Variants in ZFHX3 observed in about 807,000 individuals in gnomAD.
The protein encoded by ZFHX3 is zinc finger homeobox 3, also known as zinc finger homeobox protein 3.
ZFHX3 carries 42 observed loss-of-function variants against 279.1 expected under a neutral mutation model. The ratio of observed to expected loss-of-function variants is 0.15; its 90% CI spans 0.12 to 0.19. The LOEUF is 0.19. ZFHX3 is among the 10% of genes least tolerant of loss of function. The pLI is 1.00. For missense variants in ZFHX3, 4,981 were observed against 4,754.0 expected (o/e 1.05, Z -1.40); for synonymous variants, 2,293 against 1,957.8 (o/e 1.17, Z -4.52).
Position 72,787,302 on chromosome 16 carries a change from G to A in ZFHX3, c.10974C>T (p.Asp3658=), listed in dbSNP as rs769344872. 1.2e-5 allele frequency: 19 copies of A among 1,613,872 alleles called. No homozygotes were observed. The highest frequency in any genetic ancestry group is 2.2e-5 in the East Asian group (1 of 44,858). The change falls in exon 10 of 10, where the codon GAC becomes GAT. Residue 3658 remains aspartate, a synonymous_variant. Transcript: ENST00000268489. ...TSGVQPSMPT[D]DYSEESDTDL... Reference sequence around the variant, plus strand: ...CCGTGTCAGACTCCTCCGAATAGTCGTCTGTTGGCATCGAGGGCTGAACCC... The same window carrying A: ...CCGTGTCAGACTCCTCCGAATAGTCATCTGTTGGCATCGAGGGCTGAACCC...
Position 72,856,183 on chromosome 16 carries a change from G to A in ZFHX3, c.3449-26324C>T, listed in dbSNP as rs1008565091. ...GGGGGAAAGAAACTGATGACACAGC[G>A]TGCATGTAACTGTAAAGCTAGGCGC... On this transcript the variant is annotated intron_variant, in intron 4 of 9. Transcript: ENST00000268489. Among the ~76,000 whole-genome samples the A allele has an allele frequency of 6.2e-4, 94 of 152,184 alleles. 1 individual carries two copies. Among genetic ancestry groups the A allele is most frequent in the Admixed American group, 6.0e-3 (91 of 15,282 alleles).
intron 1 of ZFHX3, among the ~76,000 whole-genome samples, chr16:73,681,333 C>T (rs1017862180): frequency 2.0e-5 from 3 of 152,080 alleles, no homozygotes; most frequent in Non-Finnish European, 4.4e-5. Flanking sequence ...TCGTCCAAAG[C>T]GAAGGCAGAA....
At chr16:73,775,372 C>T (rs1381411210) in intron 1 of ZFHX3, among the ~76,000 whole-genome samples, 2 of 152,140 alleles carry the variant, frequency 1.3e-5, no homozygotes, top group African/African-American at 4.8e-5. Flanking sequence ...CTCTATTCAC[C>T]TTCTGAATCT....
chr16:73,612,436 T>C (rs1450256024), intron 2 of ZFHX3, among the ~76,000 whole-genome samples: 8 of 152,228 alleles, frequency 5.3e-5, no homozygotes, highest in Non-Finnish European at 1.2e-4. Context: ...AAATTATGCA[T>C]TAAAACAGAA....
chr16:73,082,783 T>C (rs1416145162), intron 8 of ZFHX3, among the ~76,000 whole-genome samples: 1 of 152,130 alleles, frequency 6.6e-6, no homozygotes, highest in East Asian at 1.9e-4. Context: ...TGAAATGCAG[T>C]GTGATGAAAT....
intron 3 of ZFHX3, among the ~76,000 whole-genome samples, chr16:72,925,298 T>C (rs1002837172): frequency 3.9e-5 from 6 of 152,118 alleles, no homozygotes; most frequent in African/African-American, 1.4e-4. Flanking sequence ...AGCTGTAGAG[T>C]GAGTCAACTG....
At chr16:73,739,048 G>A (rs577830536) in intron 1 of ZFHX3, among the ~76,000 whole-genome samples, 65 of 152,206 alleles carry the variant, frequency 4.3e-4, no homozygotes, top group Non-Finnish European at 7.2e-4. Flanking sequence ...TCTGTCCCTC[G>A]GACAAGGAGC....
rs1215790905 is a variant in ZFHX3, at chr16:73,637,230, C to CTT, written c.-1547+42948_-1547+42949dup. On this transcript the variant is annotated intron_variant, in intron 2 of 17. Coordinates refer to the ZFHX3 transcript ENST00000641206. ...GTTAAAACCATATTTTTTTTTTGTTCTTTTTTTTTTTTTTTTTTTGAGACA... is the reference window on the plus strand; with the variant it reads ...GTTAAAACCATATTTTTTTTTTGTTCTTTTTTTTTTTTTTTTTTTTTGAGACA... 4.4e-4 allele frequency among the ~76,000 whole-genome samples: 53 copies of CTT among 121,660 alleles called. 1 individual carries two copies. The highest frequency in any genetic ancestry group is 1.1e-3 in the African/African-American group (36 of 32,714). The allele number at this position is 121,660 out of a possible 152,430, so 79.8% of individuals were successfully genotyped here.
chr16:73,329,977 C>T (rs1249701752), intron 3 of ZFHX3, among the ~76,000 whole-genome samples: 1 of 152,182 alleles, frequency 6.6e-6, no homozygotes, highest in East Asian at 1.9e-4. Flanking sequence ...TATTATTCAT[C>T]TTTCACAGGG....
At chr16:73,573,216 C>T (rs577249218) in intron 2 of ZFHX3, among the ~76,000 whole-genome samples, 55 of 152,330 alleles carry the variant, frequency 3.6e-4, no homozygotes, top group African/African-American at 1.0e-3. Context: ...CCATGCCTCA[C>T]TCCCATGCTT....
chr16:73,204,659 C>A (rs930463600), intron 5 of ZFHX3, among the ~76,000 whole-genome samples: 2 of 152,150 alleles, frequency 1.3e-5, no homozygotes, highest in African/African-American at 4.8e-5. Flanking sequence ...CCTGAGGGAA[C>A]CCTGCTGTCT....
At chr16:72,854,230 C>T (rs1051197103) in intron 4 of ZFHX3, among the ~76,000 whole-genome samples, 1 of 152,296 alleles carries the variant, frequency 6.6e-6, no homozygotes, top group African/African-American at 2.4e-5. Flanking sequence ...CTAACTTTTG[C>T]CTTCTAGCTT....
At chr16:73,093,213 T>C (rs1393249780) in intron 8 of ZFHX3, 4 of 519,148 alleles carry the variant, frequency 7.7e-6, no homozygotes, top group Admixed American at 3.9e-5. Context: ...CATGCAGAGG[T>C]AAGGGAATGA....
chr16:73,295,211 T>C (rs894190537), intron 4 of ZFHX3, among the ~76,000 whole-genome samples: 1 of 152,080 alleles, frequency 6.6e-6, no homozygotes, highest in Admixed American at 6.5e-5. Flanking sequence ...CAGGACTCCG[T>C]CTCAAAAGAA....
intron 2 of ZFHX3, among the ~76,000 whole-genome samples, chr16:73,549,628 G>A (rs960775105): frequency 6.6e-6 from 1 of 152,070 alleles, no homozygotes; most frequent in African/African-American, 2.4e-5. Flanking sequence ...AAAACACTCT[G>A]CTTCTTAAAG....
At chr16:73,777,767 C>G (rs1231645228) in intron 1 of ZFHX3, among the ~76,000 whole-genome samples, 1 of 152,158 alleles carries the variant, frequency 6.6e-6, no homozygotes, top group Non-Finnish European at 1.5e-5. Context: ...GACATGTTAT[C>G]TCCATTTTGC....
chr16:73,405,183 A>G (rs140960253), intron 3 of ZFHX3, among the ~76,000 whole-genome samples: 6 of 152,358 alleles, frequency 3.9e-5, no homozygotes, highest in African/African-American at 1.4e-4. Flanking sequence ...GAAAGGAAAT[A>G]AAGAAGGACT....
At chr16:73,163,875 T>C (rs1420955828) in intron 5 of ZFHX3, among the ~76,000 whole-genome samples, 1 of 152,246 alleles carries the variant, frequency 6.6e-6, no homozygotes, top group African/African-American at 2.4e-5. Flanking sequence ...TAACTGAAGC[T>C]GTATGTTTAA....
At chr16:73,412,349 A>AG (rs1325858717) in intron 3 of ZFHX3, among the ~76,000 whole-genome samples, 1 of 143,726 alleles carries the variant, frequency 7.0e-6, no homozygotes, top group Non-Finnish European at 1.5e-5. Flanking sequence ...AAAAAAAAAA[A>AG]GTAAATGTCA....
Sources: allele counts gnomAD v4.1 joint callset (sites outside exome capture counted in the v4.1 genomes callset), GRCh38; gene constraint gnomAD v4.1.1; transcripts MANE v1.5; gene names NCBI Gene and HGNC (gene_info 2026-07-23, HGNC 2026-07-21).